The following ALDH1L1 variants were observed in gnomAD, a reference collection of about 807,000 sequenced individuals.
ALDH1L1 encodes aldehyde dehydrogenase 1 family member L1.
A neutral mutation model predicts 101.1 loss-of-function variants in ALDH1L1; 68 were observed. The observed-to-expected ratio is 0.67, with a 90% CI of 0.55 to 0.82. ALDH1L1 has a LOEUF of 0.82. Ranked by LOEUF, ALDH1L1 falls within the 40% of genes least tolerant of loss-of-function variation. The probability of loss-of-function intolerance (pLI) is 0.00; values close to 1 mark genes in which losing one functional copy is unlikely to be tolerated. For synonymous variants in ALDH1L1, 486 were observed against 470.8 expected, an observed-to-expected ratio of 1.03 and a Z score of -0.42; for missense variants, 1,087 against 1,172.7, an observed-to-expected ratio of 0.93 and a Z score of 1.07.
intron 14 of ALDH1L1, chr3:126,128,862 AG>A (rs11317670): frequency 0.64 from 96,333 of 151,518 alleles, 30,718 homozygotes; most frequent in Middle Eastern, 0.72. Context: ...GGCAGCTGGG[AG>A]GGGTGGGCAG....
At chr3:126,172,909 T>C (rs2081307385) in intron 1 of ALDH1L1, among the ~76,000 whole-genome samples, 2 of 152,126 alleles carry the variant, frequency 1.3e-5, no homozygotes. Context: ...ATCAAACGTC[T>C]CTTCATAAAC....
In ALDH1L1 at chr3:126,135,626, C is replaced by CGTCGG; in HGVS notation, c.1376_1380dup (p.Val461ProfsTer30). On this transcript the variant is annotated frameshift_variant, in exon 12 of 23. Transcript: ENST00000393434. LOFTEE classifies it high-confidence loss of function. ...TTGGCTGCGGCCACTGCCTTGTCGA[C>CGTCGG]GTCGGTGACTTGGGCCAGGGATACC... 6.3e-7 allele frequency: 1 copy of CGTCGG among 1,582,842 alleles called. No individual in the cohort carries two copies. Among genetic ancestry groups the CGTCGG allele is most frequent in the Middle Eastern group, 1.7e-4 (1 of 5,950 alleles).
chr3:126,182,569 T>C (rs950065795), upstream of ALDH1L1, among the ~76,000 whole-genome samples: 2 of 152,232 alleles, frequency 1.3e-5, no homozygotes, highest in Middle Eastern at 3.4e-3. Flanking sequence ...GCATGCCCTG[T>C]GTGTGGAAGG....
chr3:126,174,381 T>C (rs1344297068), intron 1 of ALDH1L1, among the ~76,000 whole-genome samples: 1 of 152,238 alleles, frequency 6.6e-6, no homozygotes. Flanking sequence ...AAGGACATAG[T>C]TGAACAGCAC....
chr3:126,165,242 T>G (rs1411922248), intron 1 of ALDH1L1, among the ~76,000 whole-genome samples: 1 of 152,212 alleles, frequency 6.6e-6, no homozygotes, highest in Non-Finnish European at 1.5e-5. Flanking sequence ...TTGTGTATGT[T>G]AAACCAGCCT....
chr3:126,118,909 A>G (rs1312962421), intron 16 of ALDH1L1, among the ~76,000 whole-genome samples: 1 of 151,962 alleles, frequency 6.6e-6, no homozygotes, highest in Non-Finnish European at 1.5e-5. Context: ...CCTGTCCCCA[A>G]CCTGGCTAAG....
At chr3:126,127,672 C>A (rs757908010) in intron 14 of ALDH1L1, among the ~76,000 whole-genome samples, 16 of 152,196 alleles carry the variant, frequency 1.1e-4, no homozygotes, top group Non-Finnish European at 1.9e-4. Context: ...AGCCTCACTG[C>A]TGAGGTTGCG....
chr3:126,146,953 T>C, intron 8 of ALDH1L1, 27 bp from the exon 9 acceptor site: 1 of 1,607,822 alleles, frequency 6.2e-7, no homozygotes, highest in Non-Finnish European at 8.5e-7. Context: ...GATGAGAGGC[T>C]GGCCCCAGGG....
In ALDH1L1 at chr3:126,158,472, G is replaced by C. The variant is rs754565747; in HGVS notation, c.295C>G (p.Arg99Gly). ...GGGTGATAGATGATGGAGCCATGCCGGGGGGCACTGATTATCTCCATGGGG... is the reference window on the plus strand; with the variant it reads ...GGGTGATAGATGATGGAGCCATGCCCGGGGGCACTGATTATCTCCATGGGG... ...FIPMEIISAP[R>G]HGSIIYHPSL... The change falls in exon 3 of 23, where the codon CGG (arginine) becomes GGG (glycine). Residue 99 changes from arginine (R) to glycine (G), a missense_variant. Arg to Gly is a moderately radical substitution (Grantham distance 125). Coordinates refer to ENST00000393434, the MANE Select transcript of ALDH1L1 (RefSeq NM_012190.4). 3 of 1,613,678 alleles carry C rather than the reference G, an allele frequency of 1.9e-6. No homozygotes were observed. Among genetic ancestry groups the C allele is most frequent in the Non-Finnish European group, 2.5e-6 (3 of 1,179,778 alleles).
intron 8 of ALDH1L1, among the ~76,000 whole-genome samples, chr3:126,148,202 G>A (rs996737510): frequency 6.6e-6 from 1 of 152,202 alleles, no homozygotes; most frequent in Non-Finnish European, 1.5e-5. Context: ...AGCCCACCAA[G>A]CCATGAAAAT....
upstream of ALDH1L1, chr3:126,180,727 G>T (rs2081461725): frequency 7.1e-7 from 1 of 1,411,016 alleles, no homozygotes; most frequent in African/African-American, 1.4e-5. Flanking sequence ...CTCCGGGCGG[G>T]TCTATAAATG....
At chr3:126,197,024 G>A (rs1442844825) in intron 1 of ALDH1L1, among the ~76,000 whole-genome samples, 1 of 152,170 alleles carries the variant, frequency 6.6e-6, no homozygotes, top group Non-Finnish European at 1.5e-5. Flanking sequence ...GGAAGGCAGA[G>A]ACCAAGAGAA....
intron 12 of ALDH1L1, among the ~76,000 whole-genome samples, chr3:126,133,587 G>A (rs1427675283): frequency 1.3e-5 from 2 of 152,166 alleles, no homozygotes; most frequent in African/African-American, 4.8e-5. Context: ...TGCACTATTC[G>A]GGAAGCTCTG....
chr3:126,105,926 C>CG lies in ALDH1L1; in HGVS notation c.2454-2_2454-1insC. On this transcript the variant is annotated splice_acceptor_variant, in intron 21 of 22. Coordinates refer to ENST00000393434, the MANE Select transcript of ALDH1L1 (RefSeq NM_012190.4). LOFTEE classifies it high-confidence loss of function. ...CCGAGACAGCACGGCATCCAAGTCCCTGGAGAGAAAGTCCAGGAAGAACTC... is the reference window on the plus strand; with the variant it reads ...CCGAGACAGCACGGCATCCAAGTCCCGTGGAGAGAAAGTCCAGGAAGAACTC... 1.2e-6 allele frequency: 2 copies of CG among 1,611,598 alleles called. No individual in the cohort carries two copies. Among genetic ancestry groups the CG allele is most frequent in the South Asian group, 2.2e-5 (2 of 91,046 alleles).
intron 20 of ALDH1L1, among the ~76,000 whole-genome samples, chr3:126,109,697 T>C (rs578261740): frequency 3.3e-4 from 49 of 150,530 alleles, no homozygotes; most frequent in African/African-American, 1.2e-3. Flanking sequence ...GCGGTGACAG[T>C]AAGGGCAAGT....
Position 126,180,502 on chromosome 3 carries a change from C to T in ALDH1L1, c.-50G>A, listed in dbSNP as rs976338826. ...GCGCGCAGGAGTTGGTGCGGGCGTC[C>T]CGGGCAGGTTAGACTTCTGTGAGCC... On this transcript the variant is annotated 5_prime_UTR_variant, in exon 1 of 23. Transcript: ENST00000393434. 2 of 1,000,102 alleles carry T rather than the reference C, an allele frequency of 2.0e-6. No homozygotes were observed. The highest frequency in any genetic ancestry group is 2.4e-6 in the Non-Finnish European group (2 of 838,802). 62.0% of individuals were successfully genotyped at this position (1,000,102 alleles called of 1,614,324 possible). A position where few individuals can be genotyped will look rare whatever the true frequency, so the allele number is the denominator to read the frequency against.
chr3:126,161,825 T>TGTCAACACCACC (rs929305537), intron 1 of ALDH1L1, among the ~76,000 whole-genome samples: 16 of 152,276 alleles, frequency 1.1e-4, no homozygotes, highest in African/African-American at 3.9e-4. Flanking sequence ...AACACACCAC[T>TGTCAACACCACC]GTCAACACCA....
intron 1 of ALDH1L1, among the ~76,000 whole-genome samples, chr3:126,173,621 T>C (rs936110188): frequency 2.6e-5 from 4 of 152,210 alleles, no homozygotes; most frequent in African/African-American, 9.6e-5. Context: ...TCACTTCAAA[T>C]ATCAATGGTG....
At chr3:126,156,340 C>T (rs1406109937) in intron 4 of ALDH1L1, 1 of 152,264 alleles carries the variant, frequency 6.6e-6, no homozygotes, top group Non-Finnish European at 1.5e-5. Context: ...ACTTTGTTCA[C>T]TATTTTTGTG....
Sources: gnomAD v4.1 joint callset for allele counts (sites outside exome capture counted in the v4.1 genomes callset) on GRCh38, gnomAD v4.1.1 for gene constraint, MANE v1.5 for transcripts, NCBI Gene and HGNC (gene_info 2026-07-23, HGNC 2026-07-21) for gene names.